The following TMPRSS9 variants were observed in gnomAD, a reference collection of about 807,000 sequenced individuals.
TMPRSS9 encodes the protein transmembrane serine protease 9, also known as transmembrane protease serine 9.
Under a neutral mutation model 111.4 loss-of-function variants are expected in TMPRSS9, and 113 were observed. The observed-to-expected ratio is 1.01, with a 90% CI of 0.87 to 1.19. TMPRSS9 has a LOEUF of 1.19. Ranked by LOEUF, TMPRSS9 falls within the 50% of genes most tolerant of loss-of-function variation. TMPRSS9 has a pLI of 0.00. For synonymous variants in TMPRSS9, 805 were observed against 659.1 expected (o/e 1.22, Z -3.39); for missense variants, 1,803 against 1,513.1 (o/e 1.19, Z -3.18).
At chr19:2,366,846 G>C (rs1480092568) in intron 1 of TMPRSS9, among the ~76,000 whole-genome samples, 1 of 140,140 alleles carries the variant, frequency 7.1e-6, no homozygotes, top group Non-Finnish European at 1.5e-5. Flanking sequence ...GACAGAGCGA[G>C]ACTCCATTTC....
chr19:2,390,279 C>T (rs968449878), intron 1 of TMPRSS9, among the ~76,000 whole-genome samples: 4 of 86,086 alleles, frequency 4.6e-5, no homozygotes, highest in Non-Finnish European at 7.5e-5. Context: ...CTCTCTCTGT[C>T]GCCCAGGCTG....
At chr19:2,372,387 C>T (rs1462458354) in intron 1 of TMPRSS9, among the ~76,000 whole-genome samples, 6 of 152,086 alleles carry the variant, frequency 3.9e-5, no homozygotes, top group Non-Finnish European at 5.9e-5. Context: ...ATAAATGATG[C>T]CTCTTCTTGT....
intron 11 of TMPRSS9, 149 bp downstream of exon 12, chr19:2,415,990 C>T: frequency 2.0e-6 from 2 of 1,002,266 alleles, no homozygotes; most frequent in Non-Finnish European, 2.7e-6. Flanking sequence ...CAGGAGGGAG[C>T]CGGTGCCAAG....
At chr19:2,410,183 C>T (rs890927250) in intron 8 of TMPRSS9, 75 bp from the exon 10 acceptor site, 1 of 1,584,636 alleles carries the variant, frequency 6.3e-7, no homozygotes, top group South Asian at 1.1e-5. Context: ...AGGAGCTGTC[C>T]TTCAGCCTCC....
chr19:2,425,007 G>T, exon 16 of TMPRSS9: 1 of 1,529,982 alleles, frequency 6.5e-7, no homozygotes, highest in Non-Finnish European at 8.7e-7. Flanking sequence ...CGCAGCTACG[G>T]GGACCCCAAG....
chr19:2,367,957 T>A (rs1970260859), intron 1 of TMPRSS9, among the ~76,000 whole-genome samples: 1 of 152,184 alleles, frequency 6.6e-6, no homozygotes, highest in South Asian at 2.1e-4. Flanking sequence ...GTGATCCACC[T>A]GCCTCAGCTT....
intron 7 of TMPRSS9, among the ~76,000 whole-genome samples, chr19:2,407,783 A>AAG (rs553438729): frequency 6.9e-6 from 1 of 144,318 alleles, no homozygotes; most frequent in East Asian, 2.1e-4. Context: ...ACACCCCGCT[A>AAG]ATATATATAT....
chr19:2,418,308 TCCCTCCCTCCCTCCCTC>T (rs1971314954), intron 13 of TMPRSS9, among the ~76,000 whole-genome samples, 170 bp downstream of exon 14: 1 of 19,880 alleles, frequency 5.0e-5, no homozygotes, highest in African/African-American at 6.5e-4. Flanking sequence ...TCCCTCCCTT[TCCCTCCCTCCCTCCCTC>T]CCTCCCTTTC....
intron 1 of TMPRSS9, among the ~76,000 whole-genome samples, chr19:2,374,650 G>A (rs539777445): frequency 7.2e-5 from 11 of 152,242 alleles, no homozygotes; most frequent in Admixed American, 3.9e-4. Flanking sequence ...AGGCCTCTGC[G>A]TTGCTCTGGT....
chr19:2,397,772 T>G (rs1048469923), intron 2 of TMPRSS9, among the ~76,000 whole-genome samples: 1 of 150,994 alleles, frequency 6.6e-6, no homozygotes, highest in South Asian at 2.1e-4. Flanking sequence ...ACACAAAAAT[T>G]AGCGGGGCGT....
At chr19:2,396,385 C>G in intron 1 of TMPRSS9, 154 bp from the exon 3 acceptor site, 1 of 855,006 alleles carries the variant, frequency 1.2e-6, no homozygotes, top group East Asian at 3.0e-5. Flanking sequence ...AGTAGCTATT[C>G]AGGGCTATCA....
intron 14 of TMPRSS9, among the ~76,000 whole-genome samples, chr19:2,423,516 G>A (rs188011645): frequency 1.2e-4 from 18 of 149,856 alleles, no homozygotes; most frequent in East Asian, 4.1e-4. Context: ...GATAGAGGGC[G>A]GCGGGGGGGC....
chr19:2,382,565 C>T lies in TMPRSS9; in HGVS notation c.-25-7196C>T, dbSNP rs184795589. On this transcript the variant is annotated intron_variant, in intron 1 of 17. Coordinates refer to the TMPRSS9 transcript ENST00000649857. ...AATTGAGTGGATACACAGACATATA[C>T]GCACAGATGCACACACAGATGCACA... 2.1e-4 allele frequency among the ~76,000 whole-genome samples: 32 copies of T among 151,854 alleles called. 1 individual carries two copies. The East Asian group carries it at 3.5e-3, about 17-fold the overall frequency.
At chr19:2,370,113 G>A (rs1278851082) in intron 1 of TMPRSS9, among the ~76,000 whole-genome samples, 1 of 152,164 alleles carries the variant, frequency 6.6e-6, no homozygotes, top group East Asian at 1.9e-4. Flanking sequence ...GGGAGGCTGA[G>A]GCAGGAAATC....
intron 10 of TMPRSS9, chr19:2,414,276 G>A (rs1431689512): frequency 2.0e-5 from 7 of 342,796 alleles, no homozygotes; most frequent in South Asian, 6.1e-5. Flanking sequence ...GTCTTGCTCC[G>A]TCGCCCAGGC....
chr19:2,406,794 G>A (rs1484700266), intron 7 of TMPRSS9, among the ~76,000 whole-genome samples: 1 of 149,916 alleles, frequency 6.7e-6, no homozygotes, highest in African/African-American at 2.5e-5. Flanking sequence ...ATATTCTGTC[G>A]TGATATTATC....
chr19:2,399,578 A>AAAAC (rs146554094), intron 4 of TMPRSS9, among the ~76,000 whole-genome samples: 7 of 151,972 alleles, frequency 4.6e-5, no homozygotes, highest in African/African-American at 9.7e-5. Context: ...CTTCGTTTCA[A>AAAAC]AAACAAACAA....
At chr19:2,424,098 T>C (rs902834444) in exon 15 of TMPRSS9, 1 of 1,303,682 alleles carries the variant, frequency 7.7e-7, no homozygotes, top group Non-Finnish European at 9.8e-7. Context: ...GACTGTGGCC[T>C]GGCGCCGGCC....
intron 14 of TMPRSS9, among the ~76,000 whole-genome samples, chr19:2,423,467 T>TGGGGGGC (rs1555681450): frequency 4.4e-5 from 1 of 22,862 alleles, no homozygotes; most frequent in Non-Finnish European, 8.4e-5. Flanking sequence ...TGGTGGGGGG[T>TGGGGGGC]GGGGGGCGGG....
Sources: gnomAD v4.1 joint callset for allele counts (sites outside exome capture counted in the v4.1 genomes callset) on GRCh38, gnomAD v4.1.1 for gene constraint, MANE v1.5 for transcripts, NCBI Gene and HGNC (gene_info 2026-07-23, HGNC 2026-07-21) for gene names.